The following LAMA2 variants were observed in gnomAD, a reference collection of about 807,000 sequenced individuals.
The protein encoded by LAMA2 is laminin subunit alpha 2.
A neutral mutation model predicts 364.8 loss-of-function variants in LAMA2; 269 were observed. The ratio of observed to expected loss-of-function variants is 0.74; its 90% confidence interval spans 0.67 to 0.82. LAMA2 has a LOEUF of 0.82. Ranked by LOEUF, LAMA2 falls within the 40% of genes least tolerant of loss-of-function variation. LAMA2 has a pLI of 0.00. For synonymous variants in LAMA2, 1,379 were observed against 1,370.6 expected, an observed-to-expected ratio of 1.01 and a Z score of -0.14; for missense variants, 3,807 against 3,873.2, an observed-to-expected ratio of 0.98 and a Z score of 0.45.
chr6:129,154,647 C>T lies in LAMA2; in HGVS notation c.1170C>T (p.Cys390=), dbSNP rs372654432. ...CCCAAAACACTGCTGGTATAAACTG[C>T]GAGACATGTACTGATGGCTTCTTCA... ...NCTQNTAGIN[C]ETCTDGFFRP... is the part of the protein sequence containing the mutation. Residue 390 remains cysteine, a synonymous_variant, in exon 8 of 65, where the codon TGC becomes TGT. Coordinates refer to ENST00000421865, the MANE Select transcript of LAMA2 (RefSeq NM_000426.4). 1.2e-5 allele frequency: 19 copies of T among 1,613,752 alleles called. No homozygotes were observed. Among genetic ancestry groups the T allele is most frequent in the Admixed American group, 3.3e-5 (2 of 59,994 alleles).
intron 45 of LAMA2, among the ~76,000 whole-genome samples, chr6:129,448,629 A>C (rs551654165): frequency 6.6e-6 from 1 of 152,310 alleles, no homozygotes; most frequent in South Asian, 2.1e-4. Context: ...CTTTAAATGA[A>C]TGACCTACTT....
At chr6:129,418,144 T>G (rs1034949444) in intron 40 of LAMA2, among the ~76,000 whole-genome samples, 2 of 152,130 alleles carry the variant, frequency 1.3e-5, no homozygotes, top group African/African-American at 4.8e-5. Flanking sequence ...CATCGCCTGC[T>G]CCCTCTGTTT....
At chr6:129,367,250 A>G (rs988253166) in intron 33 of LAMA2, among the ~76,000 whole-genome samples, 2 of 152,360 alleles carry the variant, frequency 1.3e-5, no homozygotes, top group East Asian at 3.9e-4. Context: ...TCAACTTACT[A>G]TCAGTCAATT....
intron 18 of LAMA2, among the ~76,000 whole-genome samples, chr6:129,280,772 A>G (rs1788660140): frequency 6.6e-6 from 1 of 152,206 alleles, no homozygotes; most frequent in South Asian, 2.1e-4. Flanking sequence ...CTATATATTC[A>G]GCCTCAGCAT....
chr6:129,159,382 A>G (rs1428369725), intron 8 of LAMA2, among the ~76,000 whole-genome samples: 3 of 152,204 alleles, frequency 2.0e-5, no homozygotes, highest in African/African-American at 7.2e-5. Flanking sequence ...GCATATTTTC[A>G]TAAGTCGCTC....
chr6:129,147,116 T>C, intron 6 of LAMA2, 68 bp downstream of exon 6: 4 of 1,001,238 alleles, frequency 4.0e-6, no homozygotes, highest in Non-Finnish European at 6.4e-6. Flanking sequence ...ATGACAGTCT[T>C]TGCTGACAGA....
intron 4 of LAMA2, among the ~76,000 whole-genome samples, chr6:129,121,636 T>C (rs1181807633): frequency 1.4e-4 from 21 of 152,180 alleles, no homozygotes; most frequent in African/African-American, 2.4e-5. Flanking sequence ...ATTGTAGGCT[T>C]TAGAAAAATA....
intron 6 of LAMA2, among the ~76,000 whole-genome samples, chr6:129,147,783 G>T (rs1245958463): frequency 6.6e-6 from 1 of 151,978 alleles, no homozygotes; most frequent in Non-Finnish European, 1.5e-5. Flanking sequence ...TAATGCAAAT[G>T]ACATTATACT....
intron 33 of LAMA2, 27 bp downstream of exon 33, chr6:129,366,388 G>A (rs376267734): frequency 1.2e-6 from 2 of 1,612,214 alleles, no homozygotes. Context: ...ACAAGCAAGG[G>A]CCAGGGACAA....
At chr6:129,512,271 T>C in intron 62 of LAMA2, 92 bp from the exon 63 acceptor site, 2 of 1,262,294 alleles carry the variant, frequency 1.6e-6, no homozygotes, top group East Asian at 2.4e-5. Context: ...AGCATTTGAA[T>C]TGAAATATAA....
chr6:129,431,916 A>G (rs1422807271), intron 41 of LAMA2, among the ~76,000 whole-genome samples: 3 of 152,218 alleles, frequency 2.0e-5, no homozygotes, highest in Non-Finnish European at 4.4e-5. Flanking sequence ...ATTCTGTGTT[A>G]TTATTTTATA....
intron 7 of LAMA2, among the ~76,000 whole-genome samples, chr6:129,149,918 T>C (rs12664291): frequency 0.037 from 5,652 of 152,260 alleles, 217 homozygotes; most frequent in East Asian, 0.15. Flanking sequence ...ATGCAAGTAC[T>C]ATGCCACTGT....
intron 1 of LAMA2, among the ~76,000 whole-genome samples, chr6:129,012,508 T>C (rs150823244): frequency 1.3e-5 from 2 of 152,314 alleles, no homozygotes; most frequent in African/African-American, 4.8e-5. Context: ...ATATTTAGAA[T>C]AATTTTTGTT....
At chr6:128,904,610 A>G (rs1294121770) in intron 1 of LAMA2, among the ~76,000 whole-genome samples, 1 of 151,942 alleles carries the variant, frequency 6.6e-6, no homozygotes, top group Admixed American at 6.6e-5. Context: ...GAGCGCCACC[A>G]TGCCTGGCTA....
intron 14 of LAMA2, among the ~76,000 whole-genome samples, chr6:129,257,120 C>T (rs953846911): frequency 1.3e-5 from 2 of 151,824 alleles, no homozygotes; most frequent in African/African-American, 4.8e-5. Context: ...ATAGCTCATG[C>T]ATCTCTAAAA....
At chr6:129,297,480 A>G (rs1455436437) in intron 20 of LAMA2, among the ~76,000 whole-genome samples, 2 of 152,216 alleles carry the variant, frequency 1.3e-5, no homozygotes, top group Non-Finnish European at 2.9e-5. Flanking sequence ...TTTTGATAAA[A>G]TTTCAGAATA....
chr6:129,157,851 G>C lies in LAMA2; in HGVS notation c.1206+3168G>C, dbSNP rs1779212320. 2.5e-6 allele frequency: 4 copies of C among 1,614,074 alleles called. No individual in the cohort carries two copies. In the East Asian group the frequency reaches 8.9e-5, roughly 36 times the overall value. ...GCTGTAGATATCAGCCATGATGTAG[G>C]GCTGGAAGTGGTTTTTGTTCAGGCT... On this transcript the variant is annotated intron_variant, in intron 8 of 64. Transcript: ENST00000421865.
intron 2 of LAMA2, among the ~76,000 whole-genome samples, chr6:129,050,759 G>A (rs1787944957): frequency 1.3e-5 from 2 of 152,212 alleles, no homozygotes; most frequent in Admixed American, 6.5e-5. Context: ...CCAAAGGGCA[G>A]AGAGTAGAGA....
At chr6:129,388,153 A>T (rs2114665323) in intron 35 of LAMA2, among the ~76,000 whole-genome samples, 1 of 151,898 alleles carries the variant, frequency 6.6e-6, no homozygotes, top group East Asian at 1.9e-4. Flanking sequence ...GCTACTCGGG[A>T]GGCTGAGACA....
Sources: allele counts gnomAD v4.1 joint callset (sites outside exome capture counted in the v4.1 genomes callset), GRCh38; gene constraint gnomAD v4.1.1; transcripts MANE v1.5; gene names NCBI Gene and HGNC (gene_info 2026-07-23, HGNC 2026-07-21).